Variants in NELL1 observed in about 807,000 individuals in gnomAD.
The protein encoded by NELL1 is protein kinase C-binding protein NELL1.
A neutral mutation model predicts 107.4 loss-of-function variants in NELL1; 76 were observed. That is an observed-to-expected ratio of 0.71 (90% confidence interval 0.59 to 0.86). NELL1 has a LOEUF of 0.86. NELL1 is among the 40% of genes least tolerant of loss of function. The probability of loss-of-function intolerance (pLI) is 0.00; values close to 1 mark genes in which losing one functional copy is unlikely to be tolerated. For synonymous variants in NELL1, 353 were observed against 341.2 expected (o/e 1.03, Z -0.38); for missense variants, 1,024 against 1,005.5 (o/e 1.02, Z -0.25).
At chr11:21,112,940 C>T (rs375286621) in intron 12 of NELL1, among the ~76,000 whole-genome samples, 9 of 152,068 alleles carry the variant, frequency 5.9e-5, no homozygotes, top group Admixed American at 2.0e-4. Context: ...ATCCCTATCA[C>T]GAACTTTTAT....
chr11:20,736,163 G>A (rs148531951), intron 2 of NELL1, among the ~76,000 whole-genome samples: 17 of 152,112 alleles, frequency 1.1e-4, no homozygotes, highest in African/African-American at 4.1e-4. Flanking sequence ...GCAAGTGGGG[G>A]GTGAAGGTTT....
intron 3 of NELL1, among the ~76,000 whole-genome samples, chr11:20,785,599 T>A (rs2133984459): frequency 6.6e-6 from 1 of 152,300 alleles, no homozygotes; most frequent in South Asian, 2.1e-4. Context: ...CCACAGCAGG[T>A]GAGAAGCATG....
At chr11:20,840,335 T>C (rs769358649) in intron 3 of NELL1, among the ~76,000 whole-genome samples, 7 of 152,174 alleles carry the variant, frequency 4.6e-5, no homozygotes, top group African/African-American at 1.7e-4. Context: ...CCAGTTTCTA[T>C]TGATGTATAA....
intron 15 of NELL1, among the ~76,000 whole-genome samples, chr11:21,392,053 G>A (rs191455282): frequency 1.3e-4 from 19 of 151,754 alleles, no homozygotes; most frequent in Non-Finnish European, 2.7e-4. Flanking sequence ...GAGTCAGGTC[G>A]GAAGAATAAG....
At chr11:20,707,209 T>C (rs2511370) in intron 2 of NELL1, among the ~76,000 whole-genome samples, 60,835 of 152,084 alleles carry the variant, frequency 0.4, 14,236 homozygotes, top group African/African-American at 0.64. Context: ...TGTTCAGCTC[T>C]ATCAGGTCAT....
intron 13 of NELL1, among the ~76,000 whole-genome samples, chr11:21,143,624 T>C (rs1855915018): frequency 6.6e-6 from 1 of 152,164 alleles, no homozygotes; most frequent in Admixed American, 6.6e-5. Flanking sequence ...GAACTATCCA[T>C]TGGCTGAATG....
intron 7 of NELL1, among the ~76,000 whole-genome samples, chr11:20,921,738 G>A (rs890010180): frequency 6.7e-6 from 1 of 150,170 alleles, no homozygotes; most frequent in Admixed American, 6.7e-5. Context: ...CATAGAACTT[G>A]TAGTAACTTT....
At chr11:21,151,414 G>C (rs1407788298) in intron 13 of NELL1, among the ~76,000 whole-genome samples, 4 of 152,136 alleles carry the variant, frequency 2.6e-5, no homozygotes, top group African/African-American at 7.2e-5. Flanking sequence ...TGTATGTATG[G>C]AGTGTGTGTG....
At chr11:21,124,093 T>C (rs181172537) in intron 13 of NELL1, among the ~76,000 whole-genome samples, 1,637 of 152,250 alleles carry the variant, frequency 0.011, 29 homozygotes, top group Non-Finnish European at 0.013. Flanking sequence ...GAGTGAATGG[T>C]TAAACATGAT....
intron 12 of NELL1, among the ~76,000 whole-genome samples, chr11:20,984,004 C>T (rs1046490684): frequency 1.3e-5 from 2 of 152,260 alleles, no homozygotes; most frequent in Non-Finnish European, 2.9e-5. Context: ...CATTCTTCCC[C>T]TACTCCTTAC....
At chr11:21,243,508 A>G (rs1048745576) in intron 14 of NELL1, among the ~76,000 whole-genome samples, 49 of 152,136 alleles carry the variant, frequency 3.2e-4, no homozygotes, top group African/African-American at 1.1e-3. Flanking sequence ...TGAAGACTGT[A>G]TTTGTAGAAG....
chr11:21,202,236 G>A (rs915580467), intron 13 of NELL1, among the ~76,000 whole-genome samples: 1 of 152,160 alleles, frequency 6.6e-6, no homozygotes, highest in Non-Finnish European at 1.5e-5. Context: ...GTAGAATTTG[G>A]CTGTGAATCC....
At chr11:20,744,929 G>C (rs1855970180) in intron 2 of NELL1, among the ~76,000 whole-genome samples, 1 of 152,156 alleles carries the variant, frequency 6.6e-6, no homozygotes, top group Admixed American at 6.5e-5. Context: ...ATCTTCACAA[G>C]TCTGCCACTC....
chr11:20,749,259 T>C (rs1486903257), intron 2 of NELL1, among the ~76,000 whole-genome samples: 1 of 152,126 alleles, frequency 6.6e-6, no homozygotes, highest in Non-Finnish European at 1.5e-5. Flanking sequence ...GCACGTTTTG[T>C]AAAAGAGCAA....
At position 20,742,728 on chromosome 11, in the gene NELL1, C is replaced by T. The variant is rs141026879; in HGVS notation, c.185-40952C>T. On this transcript the variant is annotated intron_variant, in intron 2 of 19. Transcript: ENST00000357134. ...AGACCCACCCCCGTGATTCAATGACCTCCTACTGGGTCCCTCCCATGACAT... is the reference window on the plus strand; with the variant it reads ...AGACCCACCCCCGTGATTCAATGACTTCCTACTGGGTCCCTCCCATGACAT... 6.8e-3 allele frequency among the ~76,000 whole-genome samples: 1,041 copies of T among 152,252 alleles called. 7 individuals carry two copies. Among genetic ancestry groups the T allele is most frequent in the African/African-American group, 0.024 (978 of 41,548 alleles).
intron 14 of NELL1, among the ~76,000 whole-genome samples, chr11:21,364,272 G>A (rs558802278): frequency 1.3e-4 from 19 of 151,850 alleles, no homozygotes; most frequent in African/African-American, 2.2e-4. Context: ...TTAGCTGGGC[G>A]TGGTGGCGGG....
chr11:21,309,586 T>C (rs1218083407), intron 14 of NELL1, among the ~76,000 whole-genome samples: 3 of 151,908 alleles, frequency 2.0e-5, no homozygotes, highest in Admixed American at 6.6e-5. Flanking sequence ...ATGTTGCTTA[T>C]TGTATTAGTC....
chr11:21,309,299 T>TA (rs1849693588), intron 14 of NELL1, among the ~76,000 whole-genome samples: 1 of 75,972 alleles, frequency 1.3e-5, no homozygotes, highest in Non-Finnish European at 3.4e-5. Flanking sequence ...TATATATATA[T>TA]GTATATATAT....
intron 15 of NELL1, among the ~76,000 whole-genome samples, chr11:21,508,271 G>A (rs1855345005): frequency 6.6e-6 from 1 of 151,740 alleles, no homozygotes; most frequent in Non-Finnish European, 1.5e-5. Context: ...TAAGGAAATA[G>A]ACAAATAACT....
Sources: allele counts gnomAD v4.1 joint callset (sites outside exome capture counted in the v4.1 genomes callset), GRCh38; gene constraint gnomAD v4.1.1; transcripts MANE v1.5; gene names NCBI Gene and HGNC (gene_info 2026-07-23, HGNC 2026-07-21).